JAK2: variants seen among roughly 807,000 people sequenced by gnomAD.
JAK2 encodes the protein Janus kinase 2.
Under a neutral mutation model 139.3 loss-of-function variants are expected in JAK2, and 86 were observed. The ratio of observed to expected loss-of-function variants is 0.62; its 90% CI spans 0.52 to 0.74. The LOEUF is 0.74. Among genes scored for constraint, JAK2 ranks in the 30% least tolerant of loss-of-function variants. The pLI is 0.00. For synonymous variants in JAK2, 490 were observed against 437.7 expected, an observed-to-expected ratio of 1.12 and a Z score of -1.49; for missense variants, 1,421 against 1,360.3, an observed-to-expected ratio of 1.04 and a Z score of -0.70.
chr9:5,114,543 C>G (rs1021568749), intron 22 of JAK2: 1 of 475,096 alleles, frequency 2.1e-6, no homozygotes, highest in Non-Finnish European at 4.1e-6. Flanking sequence ...CCAGGACAAG[C>G]GCACCCTCAC....
At chr9:5,115,006 T>TGGGCAA (rs1238931678) in intron 22 of JAK2, among the ~76,000 whole-genome samples, 1 of 152,134 alleles carries the variant, frequency 6.6e-6, no homozygotes. Context: ...GACATAGGCA[T>TGGGCAA]GGGCAAGGAC....
intron 5 of JAK2, among the ~76,000 whole-genome samples, chr9:5,050,182 T>C (rs2130373598): frequency 6.6e-6 from 1 of 152,366 alleles, no homozygotes; most frequent in East Asian, 1.9e-4. Context: ...TGATGTTATA[T>C]GTACTCTGTA....
chr9:5,061,673 G>A (rs1357128299), intron 8 of JAK2, among the ~76,000 whole-genome samples: 1 of 152,192 alleles, frequency 6.6e-6, no homozygotes, highest in African/African-American at 2.4e-5. Context: ...CATCAATAAG[G>A]CTGTTCACTT....
chr9:5,085,632 C>T (rs1278114907), intron 19 of JAK2: 3 of 712,666 alleles, frequency 4.2e-6, no homozygotes, highest in Non-Finnish European at 7.8e-6. Context: ...GGACAGCCTT[C>T]TTTTCACCCC....
chr9:5,115,760 A>G (rs1485397204), intron 22 of JAK2, among the ~76,000 whole-genome samples: 2 of 152,214 alleles, frequency 1.3e-5, no homozygotes, highest in Non-Finnish European at 2.9e-5. Context: ...TGTCCTTTGC[A>G]GGGACAAAGA....
intron 2 of JAK2, among the ~76,000 whole-genome samples, chr9:5,018,947 TTTGTCTTTGACAAGCTG>T (rs983537027): frequency 2.6e-5 from 4 of 152,136 alleles, no homozygotes; most frequent in African/African-American, 9.7e-5. Context: ...GAATTCTCTC[TTTGTCTTTGACAAGCTG>T]TTGTCTCTGA....
intron 22 of JAK2, among the ~76,000 whole-genome samples, chr9:5,117,746 CAA>C (rs992410968): frequency 2.7e-4 from 41 of 151,860 alleles, no homozygotes; most frequent in Non-Finnish European, 5.0e-4. Context: ...CTCACAGAAA[CAA>C]AAGTTTTTTG....
rs779981757 is a variant in JAK2, at chr9:5,080,427, C to T, written c.2283+47C>T. On this transcript the variant is annotated intron_variant, in intron 17 of 24. Coordinates refer to ENST00000381652, the MANE Select transcript of JAK2 (RefSeq NM_004972.4). ...TAGAATTACTCTATCTCTGAACTTT[C>T]ATATTTCTTTCACATGATTTGTATT... 5 of 1,548,394 alleles carry T rather than the reference C, an allele frequency of 3.2e-6. No homozygotes were observed. In the East Asian group the frequency reaches 9.1e-5, roughly 28 times the overall value.
chr9:5,099,801 C>G (rs1262331723), intron 22 of JAK2: 1 of 152,178 alleles, frequency 6.6e-6, no homozygotes, highest in African/African-American at 2.4e-5. Flanking sequence ...CTGCCTCAAC[C>G]AACCTCCTTG....
chr9:5,014,928 T>G (rs1563926968), intron 2 of JAK2, among the ~76,000 whole-genome samples: 1 of 151,916 alleles, frequency 6.6e-6, no homozygotes, highest in Non-Finnish European at 1.5e-5. Flanking sequence ...TTTTTTATTT[T>G]TTTTTTGCGG....
intron 2 of JAK2, among the ~76,000 whole-genome samples, chr9:5,008,061 A>C (rs1010117290): frequency 7.2e-5 from 11 of 152,172 alleles, no homozygotes; most frequent in East Asian, 1.9e-4. Flanking sequence ...AACTGTTTAC[A>C]CAGAATAACA....
At chr9:5,032,721 A>G (rs1043883008) in intron 4 of JAK2, among the ~76,000 whole-genome samples, 3 of 152,206 alleles carry the variant, frequency 2.0e-5, no homozygotes, top group African/African-American at 7.2e-5. Context: ...AACAGAAATG[A>G]CATCCACACC....
intron 5 of JAK2, among the ~76,000 whole-genome samples, chr9:5,045,925 A>G (rs900820287): frequency 6.6e-6 from 1 of 152,156 alleles, no homozygotes; most frequent in Non-Finnish European, 1.5e-5. Context: ...TCGCTGGATC[A>G]TATGGTAAAT....
At chr9:5,096,207 ACTTATTTCTTCTACCTTCCT>A (rs1820973319) in intron 22 of JAK2, among the ~76,000 whole-genome samples, 1 of 152,036 alleles carries the variant, frequency 6.6e-6, no homozygotes, top group African/African-American at 2.4e-5. Context: ...TCCTCCCTCC[ACTTATTTCTTCTACCTTCCT>A]CTTACCCATC....
intron 2 of JAK2, among the ~76,000 whole-genome samples, chr9:5,020,471 G>A (rs1822344810): frequency 6.6e-6 from 1 of 152,186 alleles, no homozygotes; most frequent in African/African-American, 2.4e-5. Flanking sequence ...ATTTCCTGGT[G>A]GAATGTTCAG....
intron 23 of JAK2, among the ~76,000 whole-genome samples, chr9:5,123,884 TTC>T (rs970493899): frequency 1.3e-5 from 2 of 151,378 alleles, no homozygotes; most frequent in African/African-American, 2.4e-5. Context: ...GGGTAATTTT[TTC>T]TCTTTTTTTT....
Position 5,128,084 on chromosome 9 carries a change from G to A in JAK2, c.*1293G>A. On this transcript the variant is annotated 3_prime_UTR_variant, in exon 25 of 25. Transcript: ENST00000381652. The stretch of plus-strand genomic sequence containing the variant: ...TAAAATAAAATATGGTGGGTTTTGT[G>A]TGTGTGTGTGTGTGTGTGTGTGTGT... 3.1e-5 allele frequency: 1 copy of A among 32,444 alleles called. No individual in the cohort carries two copies. The highest frequency in any genetic ancestry group is 9.0e-5 in the African/African-American group (1 of 11,074). The allele number at this position is 32,444 out of a possible 1,614,324, so 2.0% of individuals were successfully genotyped here. A position where few individuals can be genotyped will look rare whatever the true frequency, so the allele number is the denominator to read the frequency against.
intron 2 of JAK2, among the ~76,000 whole-genome samples, chr9:5,021,313 A>C (rs1443229752): frequency 6.6e-6 from 1 of 151,946 alleles, no homozygotes; most frequent in African/African-American, 2.4e-5. Flanking sequence ...GTACCAGATA[A>C]CTCTAGTCAA....
At chr9:5,076,708 C>T (rs759202073) in intron 14 of JAK2, among the ~76,000 whole-genome samples, 1 of 152,000 alleles carries the variant, frequency 6.6e-6, no homozygotes, top group Non-Finnish European at 1.5e-5. Flanking sequence ...AGTTTACATT[C>T]AAGAAAATTG....
Sources: gnomAD v4.1 joint callset for allele counts (sites outside exome capture counted in the v4.1 genomes callset) on GRCh38, gnomAD v4.1.1 for gene constraint, MANE v1.5 for transcripts, NCBI Gene and HGNC (gene_info 2026-07-23, HGNC 2026-07-21) for gene names.